The following DACH1 variants were observed in gnomAD, a reference collection of about 807,000 sequenced individuals.
DACH1 encodes dachshund homolog 1.
Under a neutral mutation model 54.2 loss-of-function variants are expected in DACH1, and 12 were observed. That is an observed-to-expected ratio of 0.22 (90% CI 0.14 to 0.36). DACH1 has a LOEUF of 0.36. Among genes scored for constraint, DACH1 ranks in the 10% least tolerant of loss-of-function variants. DACH1 has a pLI of 1.00. For missense variants in DACH1, 805 were observed against 929.8 expected, an observed-to-expected ratio of 0.87 and a Z score of 1.75; for synonymous variants, 386 against 366.2, an observed-to-expected ratio of 1.05 and a Z score of -0.62.
At chr13:71,666,952 GGC>G in intron 2 of DACH1, among the ~76,000 whole-genome samples, 1 of 151,614 alleles carries the variant, frequency 6.6e-6, no homozygotes, top group Admixed American at 6.6e-5. Flanking sequence ...CTCCATCTTG[GGC>G]AACAAGAGCA....
intron 2 of DACH1, among the ~76,000 whole-genome samples, chr13:71,679,696 A>G (rs1045797457): frequency 6.6e-6 from 1 of 152,070 alleles, no homozygotes; most frequent in Non-Finnish European, 1.5e-5. Context: ...ATAAAACATG[A>G]AAAGTTGGCC....
Position 71,475,179 on chromosome 13 carries a change from CGGTCAGCCTCTATCTCTGG to C in DACH1, c.2026_2044del (p.Pro676AlafsTer19). 2 of 1,613,856 alleles carry C rather than the reference CGGTCAGCCTCTATCTCTGG, an allele frequency of 1.2e-6. No homozygotes were observed. Among genetic ancestry groups the C allele is most frequent in the Non-Finnish European group, 1.7e-6 (2 of 1,179,856 alleles). ...TTCAGCATCTGTTCTGCCGCCACTG[CGGTCAGCCTCTATCTCTGG>C]GGTCAGAGAGTCTAAAAGCACAGAA... is the stretch of plus-strand genomic sequence containing the variant. On this transcript the variant is annotated frameshift_variant, in exon 10 of 11. Coordinates refer to ENST00000613252, the MANE Select transcript of DACH1 (RefSeq NM_080759.6). LOFTEE classifies it high-confidence loss of function.
At chr13:71,551,664 A>G (rs892233112) in intron 6 of DACH1, among the ~76,000 whole-genome samples, 4 of 152,166 alleles carry the variant, frequency 2.6e-5, no homozygotes, top group Non-Finnish European at 5.9e-5. Context: ...AACAATGAGA[A>G]CTGCACAAAT....
chr13:71,723,646 T>C (rs746822154), intron 1 of DACH1, among the ~76,000 whole-genome samples: 1 of 152,168 alleles, frequency 6.6e-6, no homozygotes, highest in Non-Finnish European at 1.5e-5. Context: ...CCTCTTCTGT[T>C]TCTTAACAAA....
chr13:71,644,971 A>T (rs945918012), intron 2 of DACH1, among the ~76,000 whole-genome samples: 4 of 152,186 alleles, frequency 2.6e-5, no homozygotes, highest in Admixed American at 2.6e-4. Flanking sequence ...AACCTGAATC[A>T]TGAATGGAAA....
Position 71,438,388 on chromosome 13 carries a change from T to A in DACH1, c.*2267A>T, listed in dbSNP as rs1873696765. 1 of 152,394 alleles carries A rather than the reference T, an allele frequency of 6.6e-6. No homozygotes were observed. The highest frequency in any genetic ancestry group is 2.4e-5 in the African/African-American group (1 of 41,416). 9.4% of individuals were successfully genotyped at this position (152,394 alleles called of 1,614,324 possible). A position where few individuals can be genotyped will look rare whatever the true frequency, so the allele number is the denominator to read the frequency against. On this transcript the variant is annotated 3_prime_UTR_variant, in exon 11 of 11. Coordinates refer to ENST00000613252, the MANE Select transcript of DACH1 (RefSeq NM_080759.6). ...ACACAAATTTCCAAACCAACCTGTA[T>A]AACTAAAACAGGGAAAAAATTAAGT...
chr13:71,537,334 T>C (rs1882873212), intron 6 of DACH1, among the ~76,000 whole-genome samples: 1 of 152,142 alleles, frequency 6.6e-6, no homozygotes. Context: ...CTACCCTAGC[T>C]ACTATCACAT....
intron 1 of DACH1, among the ~76,000 whole-genome samples, chr13:71,825,792 AT>A (rs1286464672): frequency 6.6e-6 from 1 of 152,128 alleles, no homozygotes; most frequent in Non-Finnish European, 1.5e-5. Context: ...GTAGACATAT[AT>A]TTATTCAATA....
In DACH1 at chr13:71,734,090, ATATG is replaced by A. The variant is rs962619024; in HGVS notation, c.849-52184_849-52181del. ...TCAAAATAAAAACACACTTGAATAT[ATATG>A]TGTGTGTGTATATATATATGTATAT... On this transcript the variant is annotated intron_variant, in intron 1 of 10. Coordinates refer to ENST00000613252, the MANE Select transcript of DACH1 (RefSeq NM_080759.6). Among the ~76,000 whole-genome samples the A allele has an allele frequency of 7.1e-4, 108 of 151,352 alleles. 3 individuals are homozygous for A. The highest frequency in any genetic ancestry group is 2.4e-3 in the African/African-American group (97 of 40,986).
At chr13:71,691,782 T>C (rs930883293) in intron 1 of DACH1, among the ~76,000 whole-genome samples, 2 of 152,296 alleles carry the variant, frequency 1.3e-5, no homozygotes, top group Non-Finnish European at 2.9e-5. Flanking sequence ...CAAAATACTA[T>C]ACCTTCCCTC....
intron 1 of DACH1, among the ~76,000 whole-genome samples, chr13:71,745,337 G>A (rs899790662): frequency 1.3e-5 from 2 of 152,166 alleles, no homozygotes; most frequent in African/African-American, 4.8e-5. Context: ...TGCAGTAATG[G>A]CATCTCCAAA....
chr13:71,588,182 G>A (rs1400263093), intron 3 of DACH1, among the ~76,000 whole-genome samples: 1 of 152,078 alleles, frequency 6.6e-6, no homozygotes, highest in African/African-American at 2.4e-5. Flanking sequence ...TAAAGATGTG[G>A]ATATGAATTT....
chr13:71,844,406 T>C (rs1472635430), intron 1 of DACH1, among the ~76,000 whole-genome samples: 4 of 152,060 alleles, frequency 2.6e-5, no homozygotes, highest in Non-Finnish European at 4.4e-5. Context: ...ATCAGAAACA[T>C]CAGGATGCAG....
intron 1 of DACH1, among the ~76,000 whole-genome samples, chr13:71,836,859 C>T (rs75178863): frequency 0.016 from 2,375 of 152,122 alleles, 36 homozygotes; most frequent in Non-Finnish European, 0.024. Flanking sequence ...GCCTCCCTCT[C>T]CACCCCTAAC....
intron 4 of DACH1, among the ~76,000 whole-genome samples, chr13:71,566,696 G>A (rs917860482): frequency 6.6e-5 from 10 of 151,884 alleles, no homozygotes; most frequent in Non-Finnish European, 4.4e-5. Context: ...CATTAGTGGT[G>A]GTTGTGTTGT....
At chr13:71,716,889 C>T (rs1335001435) in intron 1 of DACH1, among the ~76,000 whole-genome samples, 1 of 152,114 alleles carries the variant, frequency 6.6e-6, no homozygotes, top group African/African-American at 2.4e-5. Flanking sequence ...CATAGGTATA[C>T]ATGTGCCATG....
At chr13:71,589,299 T>C (rs1873520835) in intron 3 of DACH1, among the ~76,000 whole-genome samples, 1 of 152,006 alleles carries the variant, frequency 6.6e-6, no homozygotes, top group Admixed American at 6.6e-5. Context: ...GGTTTGTATT[T>C]GAAACTGTCA....
At chr13:71,861,725 T>C (rs993550265) in intron 1 of DACH1, among the ~76,000 whole-genome samples, 1 of 151,888 alleles carries the variant, frequency 6.6e-6, no homozygotes, top group Non-Finnish European at 1.5e-5. Context: ...CTCTCTTCAT[T>C]TGAAGCAATT....
intron 2 of DACH1, among the ~76,000 whole-genome samples, chr13:71,664,943 G>A (rs760608678): frequency 6.6e-6 from 1 of 151,922 alleles, no homozygotes; most frequent in African/African-American, 2.4e-5. Context: ...TTGTGACATT[G>A]CTTTGACCAG....
Sources: allele counts gnomAD v4.1 joint callset (sites outside exome capture counted in the v4.1 genomes callset), GRCh38; gene constraint gnomAD v4.1.1; transcripts MANE v1.5; gene names NCBI Gene and HGNC (gene_info 2026-07-23, HGNC 2026-07-21).